Variants in ACSS3 observed in about 807,000 individuals in gnomAD.
The protein encoded by ACSS3 is acyl-CoA synthetase short-chain family member 3, mitochondrial.
Under a neutral mutation model 84.2 loss-of-function variants are expected in ACSS3, and 64 were observed. The observed-to-expected ratio is 0.76, with a 90% CI of 0.62 to 0.94. The LOEUF (loss-of-function observed/expected upper bound fraction) is 0.94. Ranked by LOEUF, ACSS3 falls within the 40% of genes least tolerant of loss-of-function variation. The pLI is 0.00. For missense variants in ACSS3, 815 were observed against 867.6 expected, an observed-to-expected ratio of 0.94 and a Z score of 0.76; for synonymous variants, 317 against 310.1, an observed-to-expected ratio of 1.02 and a Z score of -0.23.
chr12:81,141,548 G>A (rs1335630743), intron 4 of ACSS3, among the ~76,000 whole-genome samples: 2 of 152,150 alleles, frequency 1.3e-5, no homozygotes, highest in East Asian at 3.9e-4. Context: ...GCATATATGT[G>A]AAAGTGTTTT....
At chr12:81,172,652 A>G (rs1028595773) in intron 7 of ACSS3, among the ~76,000 whole-genome samples, 1 of 152,056 alleles carries the variant, frequency 6.6e-6, no homozygotes, top group Non-Finnish European at 1.5e-5. Context: ...CACCAAAACA[A>G]AGCAAAAAAA....
At chr12:81,168,618 G>A (rs1161093505) in intron 7 of ACSS3, among the ~76,000 whole-genome samples, 1 of 152,108 alleles carries the variant, frequency 6.6e-6, no homozygotes, top group Non-Finnish European at 1.5e-5. Context: ...TTTGGAGAAA[G>A]GTCAGTTGTA....
At chr12:81,208,932 A>C (rs1300772163) in intron 9 of ACSS3, among the ~76,000 whole-genome samples, 1 of 152,192 alleles carries the variant, frequency 6.6e-6, no homozygotes, top group African/African-American at 2.4e-5. Flanking sequence ...CCTTTTAGTG[A>C]ATAGAATATA....
chr12:81,227,953 T>C (rs1056438666), intron 11 of ACSS3, among the ~76,000 whole-genome samples: 2 of 151,830 alleles, frequency 1.3e-5, no homozygotes, highest in Non-Finnish European at 2.9e-5. Flanking sequence ...TCATATTTAA[T>C]AGCAATCACC....
intron 2 of ACSS3, among the ~76,000 whole-genome samples, chr12:81,115,501 C>T (rs1180845780): frequency 6.6e-6 from 1 of 151,998 alleles, no homozygotes. Flanking sequence ...TGATATCTCG[C>T]TCTATCCCAG....
At chr12:81,131,566 C>T (rs1290562724) in intron 2 of ACSS3, among the ~76,000 whole-genome samples, 1 of 152,170 alleles carries the variant, frequency 6.6e-6, no homozygotes, top group Non-Finnish European at 1.5e-5. Flanking sequence ...AATCATTCAT[C>T]TGCAAACAGG....
At chr12:81,225,347 T>A (rs1380275548) in intron 11 of ACSS3, among the ~76,000 whole-genome samples, 1 of 151,996 alleles carries the variant, frequency 6.6e-6, no homozygotes, top group Non-Finnish European at 1.5e-5. Context: ...ATCTTGTTAG[T>A]GAGGAACAGA....
chr12:81,172,599 G>A (rs2030155982), intron 7 of ACSS3, among the ~76,000 whole-genome samples: 1 of 152,038 alleles, frequency 6.6e-6, no homozygotes, highest in Non-Finnish European at 1.5e-5. Flanking sequence ...TTGCACCACT[G>A]CACTCCAGCC....
intron 13 of ACSS3, among the ~76,000 whole-genome samples, chr12:81,233,735 T>A (rs2033542042): frequency 6.6e-6 from 1 of 151,652 alleles, no homozygotes; most frequent in South Asian, 2.1e-4. Flanking sequence ...CATTTGCTTC[T>A]TAATACTTGC....
chr12:81,256,869 ACT>A lies in ACSS3; in HGVS notation c.*1953_*1954del, dbSNP rs2034318360. 3 of 151,742 alleles carry A rather than the reference ACT, an allele frequency of 2.0e-5. No homozygotes were observed. The highest frequency in any genetic ancestry group is 2.9e-5 in the Non-Finnish European group (2 of 67,948). 9.4% of individuals were successfully genotyped at this position (151,742 alleles called of 1,614,324 possible). On this transcript the variant is annotated 3_prime_UTR_variant, in exon 16 of 16. Transcript: ENST00000548058. Reference sequence around the variant, plus strand: ...ACTGAATTAAACCAGCTACATAGACACTCTCTCATTTGAAGCTGTTGGGATCC... The same window carrying A: ...ACTGAATTAAACCAGCTACATAGACACTCTCATTTGAAGCTGTTGGGATCC...
intron 4 of ACSS3, among the ~76,000 whole-genome samples, 169 bp downstream of exon 4, chr12:81,139,434 C>G (rs190636818): frequency 6.6e-6 from 1 of 151,734 alleles, no homozygotes; most frequent in African/African-American, 2.4e-5. Context: ...TCATGAAAAT[C>G]TAGCTTAAAA....
intron 13 of ACSS3, among the ~76,000 whole-genome samples, chr12:81,234,446 T>C (rs564382966): frequency 3.3e-4 from 50 of 151,558 alleles, no homozygotes; most frequent in African/African-American, 1.2e-3. Flanking sequence ...ATATTAAGTG[T>C]ATGTTTAAGG....
chr12:81,142,879 CA>C (rs1293493886), intron 4 of ACSS3, among the ~76,000 whole-genome samples: 1 of 152,120 alleles, frequency 6.6e-6, no homozygotes, highest in African/African-American at 2.4e-5. Flanking sequence ...TTAAATGAAA[CA>C]TGCTTTTTTG....
At chr12:81,252,992 T>C (rs1256781172) in intron 13 of ACSS3, among the ~76,000 whole-genome samples, 1 of 152,218 alleles carries the variant, frequency 6.6e-6, no homozygotes, top group Non-Finnish European at 1.5e-5. Context: ...ACACATTTTC[T>C]CTGACTTCAT....
chr12:81,221,227 T>C (rs2033095211), intron 11 of ACSS3, among the ~76,000 whole-genome samples: 1 of 152,106 alleles, frequency 6.6e-6, no homozygotes, highest in Non-Finnish European at 1.5e-5. Context: ...GAGATTGCTT[T>C]AGTCCCTCTG....
rs548991390 is a variant in ACSS3 at position 81,128,107 on chromosome 12, T to C, written c.457-6709T>C. Among the ~76,000 whole-genome samples the C allele has an allele frequency of 8.5e-5, 13 of 152,258 alleles. No homozygotes were observed. The South Asian group carries it at 2.7e-3, about 32-fold the overall frequency. On this transcript the variant is annotated intron_variant, in intron 2 of 15. Coordinates refer to ENST00000548058, the MANE Select transcript of ACSS3 (RefSeq NM_024560.4). Reference sequence around the variant, plus strand: ...ATTTATGTTATTTATAAACCAAATATATGTGCATACCATTTTATAATATAT... The same window carrying C: ...ATTTATGTTATTTATAAACCAAATACATGTGCATACCATTTTATAATATAT...
At chr12:81,092,454 A>C (rs1881731799) in intron 1 of ACSS3, among the ~76,000 whole-genome samples, 2 of 152,168 alleles carry the variant, frequency 1.3e-5, no homozygotes. Context: ...TTTATTCTAC[A>C]ATCAGTTCTA....
intron 12 of ACSS3, 139 bp from the exon 13 acceptor site, chr12:81,233,210 A>G (rs1353061662): frequency 5.8e-6 from 5 of 865,330 alleles, no homozygotes; most frequent in Non-Finnish European, 8.6e-6. Flanking sequence ...AAGTAGTGTA[A>G]TTTCCTAGTC....
intron 1 of ACSS3, among the ~76,000 whole-genome samples, chr12:81,092,184 C>A (rs557581582): frequency 1.1e-4 from 17 of 152,134 alleles, no homozygotes; most frequent in African/African-American, 4.1e-4. Flanking sequence ...TTTGTTAATG[C>A]ATTTGTTTCT....
Sources: gnomAD v4.1 joint callset for allele counts (sites outside exome capture counted in the v4.1 genomes callset) on GRCh38, gnomAD v4.1.1 for gene constraint, MANE v1.5 for transcripts, NCBI Gene and HGNC (gene_info 2026-07-23, HGNC 2026-07-21) for gene names.